The following UNC5C variants were observed in gnomAD, a reference collection of about 807,000 sequenced individuals.
UNC5C encodes the protein netrin receptor UNC5C.
UNC5C carries 47 observed loss-of-function variants against 99.8 expected under a neutral mutation model. The ratio of observed to expected loss-of-function variants is 0.47; its 90% CI spans 0.37 to 0.60. UNC5C has a LOEUF of 0.60. Among genes scored for constraint, UNC5C ranks in the 20% least tolerant of loss-of-function variants. The pLI is 0.00. For missense variants in UNC5C, 1,062 were observed against 1,165.9 expected, an observed-to-expected ratio of 0.91 and a Z score of 1.30; for synonymous variants, 487 against 452.2, an observed-to-expected ratio of 1.08 and a Z score of -0.98.
At chr4:95,471,708 A>G (rs933147701) in intron 1 of UNC5C, among the ~76,000 whole-genome samples, 1 of 152,148 alleles carries the variant, frequency 6.6e-6, no homozygotes, top group Non-Finnish European at 1.5e-5. Flanking sequence ...GCACATACAT[A>G]ACTTTAACAG....
intron 1 of UNC5C, among the ~76,000 whole-genome samples, chr4:95,525,264 C>T (rs958391408): frequency 6.6e-6 from 1 of 152,120 alleles, no homozygotes. Context: ...GCCTAAAATA[C>T]CTAGGAATGC....
At chr4:95,189,648 G>C (rs1028048712) in intron 12 of UNC5C, among the ~76,000 whole-genome samples, 3 of 152,080 alleles carry the variant, frequency 2.0e-5, no homozygotes, top group Non-Finnish European at 4.4e-5. Flanking sequence ...TTACGAGAAA[G>C]AAACAAACAA....
chr4:95,424,975 GTCGGCTGTATTCTTGA>G (rs1212199550), intron 1 of UNC5C, among the ~76,000 whole-genome samples: 7 of 152,146 alleles, frequency 4.6e-5, no homozygotes, highest in African/African-American at 1.7e-4. Flanking sequence ...GGAAATTTGA[GTCGGCTGTATTCTTGA>G]TCATTTTAAG....
At chr4:95,304,102 C>T (rs1209958594) in intron 2 of UNC5C, among the ~76,000 whole-genome samples, 1 of 152,110 alleles carries the variant, frequency 6.6e-6, no homozygotes, top group Non-Finnish European at 1.5e-5. Context: ...ATAGAAACTA[C>T]TAAGCTCATA....
intron 1 of UNC5C, among the ~76,000 whole-genome samples, chr4:95,349,523 T>C (rs1178960559): frequency 6.6e-6 from 1 of 151,260 alleles, no homozygotes; most frequent in Non-Finnish European, 1.5e-5. Context: ...TTGAAACAGA[T>C]TTTTCAAATC....
At chr4:95,524,206 G>A (rs561675315) in intron 1 of UNC5C, among the ~76,000 whole-genome samples, 1 of 152,228 alleles carries the variant, frequency 6.6e-6, no homozygotes, top group Non-Finnish European at 1.5e-5. Context: ...GAAAGCTGTG[G>A]GATCAGACAG....
intron 4 of UNC5C, among the ~76,000 whole-genome samples, chr4:95,277,932 A>G (rs1037889746): frequency 2.2e-4 from 33 of 152,226 alleles, no homozygotes; most frequent in African/African-American, 8.0e-4. Context: ...CAAGAACAAT[A>G]ATAAAATTGA....
At chr4:95,434,369 G>T (rs763584995) in intron 1 of UNC5C, among the ~76,000 whole-genome samples, 5 of 151,930 alleles carry the variant, frequency 3.3e-5, no homozygotes, top group Admixed American at 1.3e-4. Context: ...TGTTTACTAA[G>T]CACCTACTCT....
chr4:95,457,580 G>A (rs1418521333), intron 1 of UNC5C, among the ~76,000 whole-genome samples: 3 of 151,886 alleles, frequency 2.0e-5, no homozygotes, highest in African/African-American at 4.8e-5. Flanking sequence ...CCATTTGCCC[G>A]CATTTAATGC....
chr4:95,479,534 G>T (rs1246411666), intron 1 of UNC5C, among the ~76,000 whole-genome samples: 1 of 151,880 alleles, frequency 6.6e-6, no homozygotes, highest in East Asian at 1.9e-4. Flanking sequence ...TTAACTAAAT[G>T]AATATCTGAA....
chr4:95,423,781 TCATGTA>T lies in UNC5C; in HGVS notation c.125-88156_125-88151del, dbSNP rs1176619155. On this transcript the variant is annotated intron_variant, in intron 1 of 15. Transcript: ENST00000453304. ...ATTCCTGCACACATGACAGAAAAGTTCATGTACATGTCAGCATTTCTATTGGTGTGA... is the reference window on the plus strand; with the variant it reads ...ATTCCTGCACACATGACAGAAAAGTTCATGTCAGCATTTCTATTGGTGTGA... Among the ~76,000 whole-genome samples, 15 of 152,310 alleles carry T rather than the reference TCATGTA, an allele frequency of 9.8e-5. 1 individual carries two copies. In the East Asian group the frequency reaches 2.5e-3, roughly 25 times the overall value.
intron 1 of UNC5C, among the ~76,000 whole-genome samples, chr4:95,371,421 T>G: frequency 2.8e-5 from 1 of 36,032 alleles, no homozygotes; most frequent in African/African-American, 2.1e-4. Flanking sequence ...CAGTATATTT[T>G]GTGGGGGGGG....
At chr4:95,301,054 T>C (rs1259002851) in intron 3 of UNC5C, among the ~76,000 whole-genome samples, 1 of 152,030 alleles carries the variant, frequency 6.6e-6, no homozygotes, top group Non-Finnish European at 1.5e-5. Flanking sequence ...ACATCTCACA[T>C]ACCATGTAAA....
chr4:95,393,365 T>G (rs1193667158), intron 1 of UNC5C, among the ~76,000 whole-genome samples: 1 of 152,108 alleles, frequency 6.6e-6, no homozygotes, highest in African/African-American at 2.4e-5. Flanking sequence ...TAGTTGATGG[T>G]GGAACACTGT....
intron 1 of UNC5C, among the ~76,000 whole-genome samples, chr4:95,350,124 C>T (rs34328980): frequency 0.15 from 23,253 of 152,102 alleles, 2,029 homozygotes; most frequent in Admixed American, 0.2. Context: ...TTGACATTCA[C>T]TTTAACGTGC....
At chr4:95,353,799 T>C (rs1460262349) in intron 1 of UNC5C, among the ~76,000 whole-genome samples, 1 of 152,024 alleles carries the variant, frequency 6.6e-6, no homozygotes, top group Non-Finnish European at 1.5e-5. Context: ...GACCATATGG[T>C]TTAAAGTATA....
intron 1 of UNC5C, among the ~76,000 whole-genome samples, chr4:95,389,574 TA>T (rs1488644098): frequency 6.6e-6 from 1 of 152,136 alleles, no homozygotes; most frequent in African/African-American, 2.4e-5. Context: ...TAATTTATAA[TA>T]ATTGATTTAA....
intron 1 of UNC5C, among the ~76,000 whole-genome samples, chr4:95,429,547 GA>G (rs993965975): frequency 6.6e-6 from 1 of 151,756 alleles, no homozygotes; most frequent in East Asian, 1.9e-4. Context: ...GTTAAATGGA[GA>G]AAAAAAAGAA....
At chr4:95,201,897 C>A (rs1452253606) in intron 12 of UNC5C, among the ~76,000 whole-genome samples, 1 of 152,186 alleles carries the variant, frequency 6.6e-6, no homozygotes, top group Non-Finnish European at 1.5e-5. Context: ...AGCCACCACA[C>A]CCGGCCGAGG....
Sources: gnomAD v4.1 joint callset for allele counts (sites outside exome capture counted in the v4.1 genomes callset) on GRCh38, gnomAD v4.1.1 for gene constraint, MANE v1.5 for transcripts, NCBI Gene and HGNC (gene_info 2026-07-23, HGNC 2026-07-21) for gene names.